The following ADCYAP1R1 variants were observed in gnomAD, a reference collection of about 807,000 sequenced individuals.
ADCYAP1R1 encodes the protein pituitary adenylate cyclase-activating polypeptide type I receptor.
ADCYAP1R1 carries 44 observed loss-of-function variants against 67.6 expected under a neutral mutation model. That is an observed-to-expected ratio of 0.65 (90% CI 0.51 to 0.84). ADCYAP1R1 has a LOEUF of 0.84. Ranked by LOEUF, ADCYAP1R1 falls within the 40% of genes least tolerant of loss-of-function variation. ADCYAP1R1 has a pLI of 0.00. For synonymous variants in ADCYAP1R1, 222 were observed against 219.6 expected, an observed-to-expected ratio of 1.01 and a Z score of -0.10; for missense variants, 477 against 587.9, an observed-to-expected ratio of 0.81 and a Z score of 1.95.
chr7:31,081,783 G>T, intron 6 of ADCYAP1R1, 29 bp downstream of exon 6: 1 of 1,579,008 alleles, frequency 6.3e-7, no homozygotes, highest in Non-Finnish European at 8.6e-7. Context: ...GTTGACCATG[G>T]ACTGGCTGGA....
At chr7:31,074,880 C>T (rs942049522) in intron 3 of ADCYAP1R1, among the ~76,000 whole-genome samples, 2 of 152,246 alleles carry the variant, frequency 1.3e-5, no homozygotes, top group African/African-American at 4.8e-5. Flanking sequence ...TATGGTACAT[C>T]TGGTTCCCAA....
chr7:31,071,952 A>G (rs1302986794), intron 3 of ADCYAP1R1, among the ~76,000 whole-genome samples: 1 of 150,994 alleles, frequency 6.6e-6, no homozygotes, highest in Non-Finnish European at 1.5e-5. Flanking sequence ...CCACTGTGGT[A>G]AATGATCCAT....
intron 1 of ADCYAP1R1, among the ~76,000 whole-genome samples, chr7:31,057,824 G>A (rs1464807104): frequency 6.6e-6 from 1 of 152,208 alleles, no homozygotes; most frequent in Non-Finnish European, 1.5e-5. Context: ...TGAGTAAATG[G>A]AGCACGGGGA....
At chr7:31,096,081 C>A (rs1796182813) in intron 13 of ADCYAP1R1, among the ~76,000 whole-genome samples, 1 of 152,088 alleles carries the variant, frequency 6.6e-6, no homozygotes, top group South Asian at 2.1e-4. Context: ...TGGAGTTGAC[C>A]TCTGTGAGCA....
In ADCYAP1R1 at chr7:31,106,796, A is replaced by C. The variant is rs1447189445; in HGVS notation, c.*112A>C. On this transcript the variant is annotated 3_prime_UTR_variant, in exon 16 of 16. Coordinates refer to ENST00000304166, the MANE Select transcript of ADCYAP1R1 (RefSeq NM_001118.5). ...TCCCCTTGGGCAGGCCCTGGGCTGG[A>C]AGCTTGGCTCCTGAGGGGGGAGAAG... is the stretch of plus-strand genomic sequence containing the variant. The C allele has an allele frequency of 7.7e-7, 1 of 1,305,424 alleles. No homozygotes were observed. The highest frequency in any genetic ancestry group is 1.5e-5 in the African/African-American group (1 of 66,644). The allele number at this position is 1,305,424 out of a possible 1,614,324, so 80.9% of individuals were successfully genotyped here.
intron 3 of ADCYAP1R1, among the ~76,000 whole-genome samples, chr7:31,073,084 C>T (rs1330372320): frequency 6.6e-6 from 1 of 152,218 alleles, no homozygotes; most frequent in African/African-American, 2.4e-5. Context: ...GACTTCTGAC[C>T]TGCAGGAATA....
intron 2 of ADCYAP1R1, 128 bp downstream of exon 2, chr7:31,063,443 C>A: frequency 1.0e-6 from 1 of 975,548 alleles, no homozygotes; most frequent in Non-Finnish European, 1.6e-6. Context: ...AACACCACCA[C>A]TGGGCCACCC....
rs544264607 is a variant in ADCYAP1R1 at position 31,052,637 on chromosome 7, G to A, written c.-113G>A. The A allele has an allele frequency of 1.3e-5, 2 of 152,026 alleles. No homozygotes were observed. The highest frequency in any genetic ancestry group is 2.1e-4 in the South Asian group (1 of 4,820). 9.4% of individuals were successfully genotyped at this position (152,026 alleles called of 1,614,324 possible). A position where few individuals can be genotyped will look rare whatever the true frequency, so the allele number is the denominator to read the frequency against. ...GACTTGCAGGCTGCGCGTCCTTTGC[G>A]GAGTCTGCCCCGGCCCCACGGACAG... On this transcript the variant is annotated 5_prime_UTR_variant, in exon 1 of 16. Coordinates refer to ENST00000304166, the MANE Select transcript of ADCYAP1R1 (RefSeq NM_001118.5).
rs1012265755 is a variant in ADCYAP1R1, at chr7:31,078,064, C to A, written c.231C>A (p.Cys77Ter). 1.2e-6 allele frequency: 2 copies of A among 1,613,018 alleles called. No individual in the cohort carries two copies. The highest frequency in any genetic ancestry group is 1.7e-6 in the Non-Finnish European group (2 of 1,179,480). ...AHVGEMVLVS[C>*]PELFRIFNPD... ...TGGGTGAGATGGTCCTGGTCAGCTG[C>A]CCTGAGCTCTTCCGAATCTTCAACC... Residue 77 changes from cysteine (C) to a stop codon, truncating the protein, a stop_gained, in exon 4 of 16, where the codon TGC (cysteine) becomes TGA (stop). Coordinates refer to ENST00000304166, the MANE Select transcript of ADCYAP1R1 (RefSeq NM_001118.5). LOFTEE classifies it high-confidence loss of function.
At chr7:31,068,395 G>T (rs539847637) in intron 3 of ADCYAP1R1, among the ~76,000 whole-genome samples, 1 of 152,288 alleles carries the variant, frequency 6.6e-6, no homozygotes, top group Non-Finnish European at 1.5e-5. Flanking sequence ...TGTGCATGTG[G>T]ATGGTTCTGG....
At chr7:31,089,026 G>A (rs1351518549) in intron 12 of ADCYAP1R1, among the ~76,000 whole-genome samples, 1 of 152,156 alleles carries the variant, frequency 6.6e-6, no homozygotes, top group African/African-American at 2.4e-5. Flanking sequence ...TTCTTATAGA[G>A]TCATTTTGGT....
intron 3 of ADCYAP1R1, among the ~76,000 whole-genome samples, chr7:31,076,083 T>A (rs1160760134): frequency 6.6e-6 from 1 of 152,220 alleles, no homozygotes; most frequent in African/African-American, 2.4e-5. Context: ...GGCAACTAGC[T>A]GTGGGCTCTA....
chr7:31,103,528 A>G (rs1408642634), intron 14 of ADCYAP1R1, among the ~76,000 whole-genome samples, 162 bp downstream of exon 14: 7 of 152,168 alleles, frequency 4.6e-5, no homozygotes, highest in Non-Finnish European at 8.8e-5. Flanking sequence ...GGCTCCTGTA[A>G]GAAGACACAC....
chr7:31,087,111 A>G (rs1407468001), intron 11 of ADCYAP1R1, 108 bp downstream of exon 11: 5 of 1,285,478 alleles, frequency 3.9e-6, no homozygotes, highest in Non-Finnish European at 5.6e-6. Flanking sequence ...AAACCATTCA[A>G]TGCCAGGCCC....
At chr7:31,104,030 A>C (rs1796542894) in intron 14 of ADCYAP1R1, among the ~76,000 whole-genome samples, 1 of 152,218 alleles carries the variant, frequency 6.6e-6, no homozygotes, top group African/African-American at 2.4e-5. Context: ...CTTGATGGTC[A>C]GAAAGTTACT....
rs758926609 is a variant in ADCYAP1R1, at chr7:31,106,694, C to CCCT, written c.*21_*23dup. On this transcript the variant is annotated 3_prime_UTR_variant, in exon 16 of 16. Transcript: ENST00000304166. ...CAATCTGGCCACCTGAGCCATGCTC[C>CCCT]CCTCCTCCTCCTCTCCTCCATCCAC... is the stretch of plus-strand genomic sequence containing the variant. The CCCT allele has an allele frequency of 6.3e-7, 1 of 1,593,096 alleles. No homozygotes were observed. Among genetic ancestry groups the CCCT allele is most frequent in the Admixed American group, 1.7e-5 (1 of 58,240 alleles).
intron 14 of ADCYAP1R1, among the ~76,000 whole-genome samples, 157 bp from the exon 15 acceptor site, chr7:31,104,711 G>C (rs988808176): frequency 2.0e-5 from 3 of 152,224 alleles, no homozygotes; most frequent in Non-Finnish European, 4.4e-5. Flanking sequence ...CATCTTGGTA[G>C]AGTAGAACTG....
At chr7:31,072,161 G>A (rs1483714330) in intron 3 of ADCYAP1R1, among the ~76,000 whole-genome samples, 1 of 152,142 alleles carries the variant, frequency 6.6e-6, no homozygotes, top group Non-Finnish European at 1.5e-5. Context: ...ACTTAGCACA[G>A]TAACATTTCT....
intron 1 of ADCYAP1R1, among the ~76,000 whole-genome samples, chr7:31,055,643 C>T (rs77012064): frequency 0.024 from 3,618 of 152,300 alleles, 151 homozygotes; most frequent in African/African-American, 0.083. Context: ...TCCTGGCTCA[C>T]TGGCCGTACA....
Sources: allele counts gnomAD v4.1 joint callset (sites outside exome capture counted in the v4.1 genomes callset), GRCh38; gene constraint gnomAD v4.1.1; transcripts MANE v1.5; gene names NCBI Gene and HGNC (gene_info 2026-07-23, HGNC 2026-07-21).